The following NHS variants were observed in gnomAD, a reference collection of about 807,000 sequenced individuals.
NHS encodes the protein actin remodeling regulator NHS.
Under a neutral mutation model 72.5 loss-of-function variants are expected in NHS, and 5 were observed. The ratio of observed to expected loss-of-function variants is 0.07; its 90% confidence interval spans 0.04 to 0.14. NHS has a LOEUF of 0.14. Among genes scored for constraint, NHS ranks in the 10% least tolerant of loss-of-function variants. The probability of loss-of-function intolerance (pLI) is 1.00; values close to 1 mark genes in which losing one functional copy is unlikely to be tolerated. For synonymous variants in NHS, 464 were observed against 547.7 expected (o/e 0.85, Z 2.13); for missense variants, 1,072 against 1,355.7 (o/e 0.79, Z 3.29).
chrX:17,415,048 A>T, intron 1 of NHS, among the ~76,000 whole-genome samples: 1 of 110,931 alleles, frequency 9.0e-6, no homozygotes, highest in African/African-American at 3.3e-5. Flanking sequence ...AGGTTGTGGG[A>T]TATCACATAG....
chrX:17,673,177 AAC>A (rs56271300), intron 1 of NHS, among the ~76,000 whole-genome samples: 15,119 of 65,000 alleles, frequency 0.23, 1,757 homozygotes, highest in Non-Finnish European at 0.3. Flanking sequence ...TGGAAGATGA[AAC>A]ACACACACAC....
chrX:17,702,094 AG>A (rs2066268558), intron 3 of NHS, among the ~76,000 whole-genome samples: 1 of 110,666 alleles, frequency 9.0e-6, no homozygotes, highest in Non-Finnish European at 1.9e-5. Flanking sequence ...GGCAGGTTCA[AG>A]GGGGATGGCA....
At chrX:17,458,782 C>T (rs1262317429) in intron 1 of NHS, among the ~76,000 whole-genome samples, 1 of 112,326 alleles carries the variant, frequency 8.9e-6, no homozygotes, top group Non-Finnish European at 1.9e-5. Context: ...CGTGAGCCAC[C>T]GCACCTGGCC....
In NHS at chrX:17,393,843, A is replaced by G. The variant is rs1005994726; in HGVS notation, c.565+17521A>G. On this transcript the variant is annotated intron_variant, in intron 1 of 8. Coordinates refer to ENST00000676302, the MANE Select transcript of NHS (RefSeq NM_001291867.2). Reference sequence around the variant, plus strand: ...GTCAGAGCCTTGGATGTCTGATCTGAGATGGAGCAACCCCAGCTAGACAGA... The same window carrying G: ...GTCAGAGCCTTGGATGTCTGATCTGGGATGGAGCAACCCCAGCTAGACAGA... Among the ~76,000 whole-genome samples, 27 of 111,580 alleles carry G rather than the reference A, an allele frequency of 2.4e-4. 1 individual carries two copies. The highest frequency in any genetic ancestry group is 8.8e-4 in the African/African-American group (27 of 30,663).
At chrX:17,397,858 G>C (rs1336700495) in intron 1 of NHS, among the ~76,000 whole-genome samples, 3 of 112,003 alleles carry the variant, frequency 2.7e-5, no homozygotes, top group Admixed American at 1.9e-4. Context: ...GCTAGATGCT[G>C]TGTGTTGAGG....
intron 1 of NHS, among the ~76,000 whole-genome samples, chrX:17,384,397 T>A (rs2064395133): frequency 8.9e-6 from 1 of 112,484 alleles, no homozygotes; most frequent in South Asian, 3.7e-4. Context: ...GTTTAATAAT[T>A]CATGGTTGTA....
chrX:17,544,500 C>CTTTA (rs781409634), intron 1 of NHS, among the ~76,000 whole-genome samples: 127 of 111,836 alleles, frequency 1.1e-3, no homozygotes, highest in Non-Finnish European at 1.4e-3. Context: ...AATAAAAATA[C>CTTTA]TTTATTTATT....
chrX:17,603,221 G>A (rs12839441), intron 1 of NHS, among the ~76,000 whole-genome samples: 17,823 of 111,233 alleles, frequency 0.16, 3,029 homozygotes, highest in African/African-American at 0.51. Context: ...CTTGGCAACA[G>A]CCCAGCTGCT....
In NHS at chrX:17,682,393, T is replaced by A. The variant is rs895676045; in HGVS notation, c.566-5349T>A. On this transcript the variant is annotated intron_variant, in intron 1 of 8. Coordinates refer to ENST00000676302, the MANE Select transcript of NHS (RefSeq NM_001291867.2). ...TGATATGCCAACACACTCCTCCCTGTCATGGGGCACCAGAACGGATGGTTT... is the reference window on the plus strand; with the variant it reads ...TGATATGCCAACACACTCCTCCCTGACATGGGGCACCAGAACGGATGGTTT... Among the ~76,000 whole-genome samples the A allele has an allele frequency of 3.9e-4, 43 of 111,380 alleles. 1 individual carries two copies. Among genetic ancestry groups the A allele is most frequent in the African/African-American group, 1.4e-3 (42 of 30,572 alleles).
At chrX:17,698,839 C>G (rs888613134) in intron 3 of NHS, among the ~76,000 whole-genome samples, 2 of 110,698 alleles carry the variant, frequency 1.8e-5, no homozygotes, top group South Asian at 3.8e-4. Flanking sequence ...AGGGGAAAAC[C>G]CATATGGTTA....
chrX:17,433,248 A>G (rs1467975808), intron 1 of NHS, among the ~76,000 whole-genome samples: 2 of 85,186 alleles, frequency 2.3e-5, no homozygotes, highest in African/African-American at 9.4e-5. Context: ...ACGGGGTTTC[A>G]CCATGTTAGC....
At chrX:17,446,841 A>G (rs1388209898) in intron 1 of NHS, among the ~76,000 whole-genome samples, 1 of 112,172 alleles carries the variant, frequency 8.9e-6, no homozygotes, top group Non-Finnish European at 1.9e-5. Flanking sequence ...TATTAGAGCA[A>G]GAATATATTT....
intron 3 of NHS, among the ~76,000 whole-genome samples, chrX:17,713,314 C>A (rs2066345947): frequency 9.0e-6 from 1 of 111,624 alleles, no homozygotes; most frequent in Admixed American, 9.5e-5. Flanking sequence ...GACAAACGAG[C>A]CCCATGGTAG....
At chrX:17,567,313 T>A (rs1046621918) in intron 1 of NHS, among the ~76,000 whole-genome samples, 3 of 111,477 alleles carry the variant, frequency 2.7e-5, no homozygotes, top group Non-Finnish European at 5.6e-5. Context: ...TCCTCTGCAG[T>A]CACTCTGGTT....
chrX:17,390,524 T>C (rs2064439314), intron 1 of NHS, among the ~76,000 whole-genome samples: 1 of 111,490 alleles, frequency 9.0e-6, no homozygotes, highest in African/African-American at 3.3e-5. Flanking sequence ...TGAGAAGTCA[T>C]AGGGCTTTCT....
At chrX:17,516,567 A>AGG (rs2065121303) in intron 1 of NHS, among the ~76,000 whole-genome samples, 2 of 83,909 alleles carry the variant, frequency 2.4e-5, no homozygotes. Flanking sequence ...ACACACACAC[A>AGG]CGCGCACACA....
In NHS at chrX:17,406,600, C is replaced by T. The variant is rs894256469; in HGVS notation, c.565+30278C>T. On this transcript the variant is annotated intron_variant, in intron 1 of 8. Transcript: ENST00000676302. ...ACAGCAGTGTCTAGGTGGAGTTGTG[C>T]CATGGGACTCTTTTTCATTAAAACA... Among the ~76,000 whole-genome samples, 29 of 111,313 alleles carry T rather than the reference C, an allele frequency of 2.6e-4. No homozygotes were observed. In the Admixed American group the frequency reaches 2.7e-3, roughly 10 times the overall value.
At chrX:17,570,063 T>C (rs1351730330) in intron 1 of NHS, among the ~76,000 whole-genome samples, 1 of 112,008 alleles carries the variant, frequency 8.9e-6, no homozygotes, top group Admixed American at 9.5e-5. Context: ...GCTGTTTTGG[T>C]TACTGTGGCC....
At chrX:17,416,912 A>G (rs987615899) in intron 1 of NHS, among the ~76,000 whole-genome samples, 1 of 110,672 alleles carries the variant, frequency 9.0e-6, no homozygotes, top group Non-Finnish European at 1.9e-5. Context: ...TTATCTAGTT[A>G]CAAAAGAGTC....
Sources: gnomAD v4.1 joint callset for allele counts (sites outside exome capture counted in the v4.1 genomes callset) on GRCh38, gnomAD v4.1.1 for gene constraint, MANE v1.5 for transcripts, NCBI Gene and HGNC (gene_info 2026-07-23, HGNC 2026-07-21) for gene names.